The following KIAA0753 variants were observed in gnomAD, a reference collection of about 807,000 sequenced individuals.
KIAA0753 encodes protein moonraker.
Under a neutral mutation model 116.9 loss-of-function variants are expected in KIAA0753, and 114 were observed. The ratio of observed to expected loss-of-function variants is 0.98; its 90% CI spans 0.84 to 1.14. KIAA0753 has a LOEUF of 1.14. Ranked by LOEUF, KIAA0753 falls within the 50% of genes most tolerant of loss-of-function variation. KIAA0753 has a pLI of 0.00. For synonymous variants in KIAA0753, 405 were observed against 413.1 expected (o/e 0.98, Z 0.24); for missense variants, 1,156 against 1,172.4 (o/e 0.99, Z 0.20).
chr17:6,599,350 G>A (rs371753934), intron 13 of KIAA0753, 30 bp from the exon 14 acceptor site: 1 of 1,433,680 alleles, frequency 7.0e-7, no homozygotes, highest in Non-Finnish European at 9.8e-7. Context: ...CATTCATGGA[G>A]TATAAAGACT....
In KIAA0753 at chr17:6,583,437, G is replaced by A. The variant is rs141694292; in HGVS notation, c.2787-3573C>T. On this transcript the variant is annotated intron_variant, in intron 18 of 18. Coordinates refer to ENST00000361413, the MANE Select transcript of KIAA0753 (RefSeq NM_014804.3). ...GATGGCCATTATCTCTTGGGATGTTGTTTGTGACTCGTTTTCTCTCTCTCC... is the reference window on the plus strand; with the variant it reads ...GATGGCCATTATCTCTTGGGATGTTATTTGTGACTCGTTTTCTCTCTCTCC... 2.1e-3 allele frequency among the ~76,000 whole-genome samples: 319 copies of A among 152,196 alleles called. 1 individual carries two copies. Among genetic ancestry groups the A allele is most frequent in the African/African-American group, 6.6e-3 (275 of 41,526 alleles).
Position 6,624,781 on chromosome 17 carries a change from G to C in KIAA0753, c.799C>G (p.Arg267Gly), listed in dbSNP as rs868639468. 3 of 1,561,120 alleles carry C rather than the reference G, an allele frequency of 1.9e-6. No individual in the cohort carries two copies. Among genetic ancestry groups the C allele is most frequent in the South Asian group, 2.4e-5 (2 of 84,926 alleles). Residue 267 changes from arginine (R) to glycine (G), a missense_variant, in exon 4 of 19, where the codon CGA becomes GGA. Arg to Gly is a moderately radical substitution (Grantham distance 125). Transcript: ENST00000361413. ...RRQEQAARSA[R>G]MLYVLQQQVK... ...TGCTGCTGGAGGACGTAGAGCATTC[G>C]GGCAGAGCGAGCAGCTTGCTCCTGT...
intron 14 of KIAA0753, among the ~76,000 whole-genome samples, chr17:6,598,370 G>A (rs187295728): frequency 1.6e-4 from 24 of 152,290 alleles, no homozygotes; most frequent in Admixed American, 1.3e-4. Context: ...ACCTTGGTAC[G>A]ATAAAGTTAT....
At chr17:6,604,405 G>T (rs1471518320) in intron 12 of KIAA0753, among the ~76,000 whole-genome samples, 1 of 151,908 alleles carries the variant, frequency 6.6e-6, no homozygotes, top group Non-Finnish European at 1.5e-5. Context: ...TCTTGAAGAG[G>T]TACATGGTTA....
intron 7 of KIAA0753, 114 bp downstream of exon 7, chr17:6,620,674 A>G (rs1971254198): frequency 1.0e-6 from 1 of 963,288 alleles, no homozygotes. Context: ...GTTAAAGTTC[A>G]TCTGTTGTGG....
At chr17:6,609,700 T>A (rs1252368433) in intron 9 of KIAA0753, among the ~76,000 whole-genome samples, 3 of 152,138 alleles carry the variant, frequency 2.0e-5, no homozygotes, top group Non-Finnish European at 4.4e-5. Context: ...TACTAGAATC[T>A]ATTGGCAGAA....
intron 16 of KIAA0753, among the ~76,000 whole-genome samples, chr17:6,594,556 G>A (rs1969328002): frequency 6.6e-6 from 1 of 152,236 alleles, no homozygotes; most frequent in African/African-American, 2.4e-5. Flanking sequence ...GGCGGGGCAT[G>A]AGGGAACTTT....
intron 18 of KIAA0753, among the ~76,000 whole-genome samples, chr17:6,580,586 G>A (rs72830350): frequency 6.6e-6 from 1 of 151,862 alleles, no homozygotes. Context: ...AAAGTGCTGG[G>A]ATTACAGGCA....
In KIAA0753 at chr17:6,623,531, T is replaced by C. The variant is rs1264400290; in HGVS notation, c.866A>G (p.His289Arg). The C allele has an allele frequency of 6.2e-7, 1 of 1,609,274 alleles. No individual in the cohort carries two copies. The highest frequency in any genetic ancestry group is 1.7e-5 in the Admixed American group (1 of 59,560). The change falls in exon 5 of 19, where the codon CAT becomes CGT. Residue 289 changes from histidine to arginine, a missense_variant. Physicochemically the swap from His to Arg is conservative, Grantham distance 29. Coordinates refer to ENST00000361413, the MANE Select transcript of KIAA0753 (RefSeq NM_014804.3). ...IQEELDKLSP[H>R]KIKHTKKSWA... is the part of the protein sequence containing the mutation. ...TACCTTCTTAGTGTGTTTAATTTTATGTGGACTCAATTTATCCAATTCTTC... is the reference window on the plus strand; with the variant it reads ...TACCTTCTTAGTGTGTTTAATTTTACGTGGACTCAATTTATCCAATTCTTC...
chr17:6,625,198 A>AT (rs1971586030), intron 3 of KIAA0753, among the ~76,000 whole-genome samples: 1 of 152,110 alleles, frequency 6.6e-6, no homozygotes, highest in Admixed American at 6.5e-5. Context: ...TATTCTTGCT[A>AT]TTTTTTCAAA....
At chr17:6,624,943 A>AT in intron 3 of KIAA0753, 82 bp from the exon 4 acceptor site, 1 of 890,918 alleles carries the variant, frequency 1.1e-6, no homozygotes, top group Non-Finnish European at 1.8e-6. Flanking sequence ...ACTTACAGAA[A>AT]TAATAAAGTT....
At position 6,623,606 on chromosome 17, in the gene KIAA0753, C is replaced by T. The variant is rs139010539; in HGVS notation, c.826-35G>A. 1.0e-3 allele frequency: 1,644 copies of T among 1,589,560 alleles called. 11 individuals are homozygous for T. The East Asian group carries it at 0.019, about 19-fold the overall frequency. ...AAAGGGGAAAAAAGAAAACTTCATA[C>T]CTTTCCATTGATCTTTTTTGTAGAA... On this transcript the variant is annotated intron_variant, in intron 4 of 18. Transcript: ENST00000361413.
chr17:6,624,834 T>C lies in KIAA0753; in HGVS notation c.746A>G (p.Asp249Gly). Residue 249 changes from aspartate (D) to glycine (G), a missense_variant, in exon 4 of 19, where the codon GAT (aspartate) becomes GGT (glycine). Physicochemically the swap from Asp to Gly is moderately conservative, Grantham distance 94. Coordinates refer to ENST00000361413, the MANE Select transcript of KIAA0753 (RefSeq NM_014804.3). ...CCTGATACGGATTCGACGTTCTTCA[T>C]CTGGATCCAAAGCTTCTTCTAGTCT... ...KDRLEEALDP[D>G]EERRIRIRRQ... is the part of the protein sequence containing the mutation. 5.8e-6 allele frequency: 9 copies of C among 1,560,510 alleles called. No individual in the cohort carries two copies. The highest frequency in any genetic ancestry group is 7.8e-6 in the Non-Finnish European group (9 of 1,150,354).
intron 1 of KIAA0753, 93 bp from the exon 2 acceptor site, chr17:6,635,264 A>C: frequency 1.9e-6 from 1 of 527,882 alleles, no homozygotes; most frequent in East Asian, 2.8e-5. Context: ...GCAATATACT[A>C]GAAGTAGCCA....
intron 14 of KIAA0753, 95 bp downstream of exon 14, chr17:6,599,142 C>G: frequency 1.2e-6 from 1 of 828,294 alleles, no homozygotes; most frequent in Non-Finnish European, 2.1e-6. Context: ...GTAGGATAAT[C>G]TAGTGTTTGC....
At chr17:6,625,266 G>A (rs935571954) in intron 3 of KIAA0753, among the ~76,000 whole-genome samples, 2 of 152,162 alleles carry the variant, frequency 1.3e-5, no homozygotes, top group Non-Finnish European at 2.9e-5. Context: ...TGTAAAGAAG[G>A]TATTAATAAA....
intron 18 of KIAA0753, among the ~76,000 whole-genome samples, chr17:6,580,630 G>C (rs1968090778): frequency 6.6e-6 from 1 of 152,058 alleles, no homozygotes; most frequent in Non-Finnish European, 1.5e-5. Context: ...TACTTTTGAA[G>C]AAGAAAAACA....
At chr17:6,592,914 C>G (rs1229659220) in intron 16 of KIAA0753, among the ~76,000 whole-genome samples, 1 of 151,984 alleles carries the variant, frequency 6.6e-6, no homozygotes, top group Non-Finnish European at 1.5e-5. Context: ...TGTAAAACCT[C>G]TATCTAAGTA....
At chr17:6,620,479 A>G (rs983186345) in intron 7 of KIAA0753, among the ~76,000 whole-genome samples, 2 of 151,798 alleles carry the variant, frequency 1.3e-5, no homozygotes, top group Non-Finnish European at 2.9e-5. Context: ...GTGTGTGTAC[A>G]TATCTCTGTC....
Sources: gnomAD v4.1 joint callset for allele counts (sites outside exome capture counted in the v4.1 genomes callset) on GRCh38, gnomAD v4.1.1 for gene constraint, MANE v1.5 for transcripts, NCBI Gene and HGNC (gene_info 2026-07-23, HGNC 2026-07-21) for gene names.